The following RERG variants were observed in gnomAD, a reference collection of about 807,000 sequenced individuals.
RERG encodes RAS like estrogen regulated growth inhibitor.
RERG carries 25 observed loss-of-function variants against 23.2 expected under a neutral mutation model. That is an observed-to-expected ratio of 1.08 (90% CI 0.79 to 1.50). The LOEUF is 1.50. RERG is among the 40% of genes most tolerant of loss of function. RERG has a pLI of 0.00. For missense variants in RERG, 253 were observed against 250.1 expected, an observed-to-expected ratio of 1.01 and a Z score of -0.08; for synonymous variants, 81 against 89.1, an observed-to-expected ratio of 0.91 and a Z score of 0.51.
intron 3 of RERG, among the ~76,000 whole-genome samples, chr12:15,116,464 A>C (rs183571633): frequency 2.5e-4 from 38 of 152,340 alleles, no homozygotes; most frequent in African/African-American, 9.1e-4. Flanking sequence ...ATGGAATATA[A>C]TAAAAATTAT....
chr12:15,218,012 T>C (rs1025003409), intron 1 of RERG: 1 of 152,902 alleles, frequency 6.5e-6, no homozygotes, highest in African/African-American at 2.4e-5. Context: ...TCATGTCTCT[T>C]TGGGTTGAAT....
intron 2 of RERG, among the ~76,000 whole-genome samples, chr12:15,181,135 A>G (rs1357108803): frequency 6.6e-6 from 1 of 152,166 alleles, no homozygotes; most frequent in Non-Finnish European, 1.5e-5. Flanking sequence ...TAAGCACAGC[A>G]CATAACATTG....
intron 2 of RERG, among the ~76,000 whole-genome samples, chr12:15,216,052 A>C (rs1865437072): frequency 6.6e-6 from 1 of 152,170 alleles, no homozygotes; most frequent in South Asian, 2.1e-4. Flanking sequence ...TAGACCCTGC[A>C]CTCACAAGGA....
intron 2 of RERG, among the ~76,000 whole-genome samples, chr12:15,200,681 A>G (rs1187733646): frequency 6.6e-6 from 1 of 151,960 alleles, no homozygotes; most frequent in African/African-American, 2.4e-5. Flanking sequence ...ACACCCTCCT[A>G]TTGTGATGAA....
chr12:15,187,648 T>C (rs547366173), intron 2 of RERG, among the ~76,000 whole-genome samples: 1 of 152,098 alleles, frequency 6.6e-6, no homozygotes, highest in East Asian at 1.9e-4. Context: ...AACATTTTCC[T>C]GCCTTATTCA....
chr12:15,137,535 G>A (rs1324598174), intron 2 of RERG, among the ~76,000 whole-genome samples: 1 of 149,510 alleles, frequency 6.7e-6, no homozygotes, highest in East Asian at 1.9e-4. Context: ...TTATTATATC[G>A]ATTTTACTTC....
intron 2 of RERG, among the ~76,000 whole-genome samples, chr12:15,211,204 C>T (rs1166821622): frequency 6.6e-6 from 1 of 151,690 alleles, no homozygotes; most frequent in East Asian, 1.9e-4. Context: ...ATGTTCACTG[C>T]AGAATTTTTC....
chr12:15,123,628 A>G (rs12427393), intron 2 of RERG, among the ~76,000 whole-genome samples: 32,845 of 123,866 alleles, frequency 0.27, 3,710 homozygotes, highest in Admixed American at 0.36. Flanking sequence ...AATAAATATT[A>G]AAACTTATTA....
intron 2 of RERG, among the ~76,000 whole-genome samples, chr12:15,184,847 T>G (rs1168706409): frequency 6.6e-6 from 1 of 152,144 alleles, no homozygotes; most frequent in Non-Finnish European, 1.5e-5. Flanking sequence ...ATAGATTGCA[T>G]AACTTGAAAC....
At chr12:15,176,600 C>T (rs906537425) in intron 2 of RERG, among the ~76,000 whole-genome samples, 1 of 152,102 alleles carries the variant, frequency 6.6e-6, no homozygotes, top group Non-Finnish European at 1.5e-5. Context: ...TTCAAATCAA[C>T]TTGAAGCAAG....
chr12:15,110,463 CTTTTTTTTTTTTTTTTTTTTTTTT>C (rs869218147), intron 4 of RERG, among the ~76,000 whole-genome samples: 1 of 73,082 alleles, frequency 1.4e-5, no homozygotes, highest in Admixed American at 1.8e-4. Flanking sequence ...CCATTTTTTT[CTTTTTTTTTTTTTTTTTTTTTTTT>C]TTTTTTACTG....
At chr12:15,187,897 C>T (rs943025831) in intron 2 of RERG, among the ~76,000 whole-genome samples, 1 of 151,944 alleles carries the variant, frequency 6.6e-6, no homozygotes, top group African/African-American at 2.4e-5. Flanking sequence ...GAATTACAGA[C>T]TTTATTATAA....
chr12:15,131,853 G>T (rs1335469824), intron 2 of RERG, among the ~76,000 whole-genome samples: 1 of 152,020 alleles, frequency 6.6e-6, no homozygotes, highest in Non-Finnish European at 1.5e-5. Context: ...CTAACAGTAG[G>T]GTGTCTCCAT....
chr12:15,191,403 G>C (rs921820213), intron 2 of RERG, among the ~76,000 whole-genome samples: 16 of 152,086 alleles, frequency 1.1e-4, no homozygotes, highest in African/African-American at 3.9e-4. Flanking sequence ...ACTCACTATA[G>C]TGTCAGGGCC....
At chr12:15,134,545 G>A (rs1565514068) in intron 2 of RERG, among the ~76,000 whole-genome samples, 1 of 152,018 alleles carries the variant, frequency 6.6e-6, no homozygotes, top group Non-Finnish European at 1.5e-5. Flanking sequence ...TCCTCTGAAT[G>A]TCCTTCTCAC....
At chr12:15,195,659 T>A (rs149925969) in intron 2 of RERG, among the ~76,000 whole-genome samples, 24 of 151,832 alleles carry the variant, frequency 1.6e-4, no homozygotes, top group African/African-American at 5.8e-4. Flanking sequence ...TCAGCATCTA[T>A]TCGTCTCAAA....
At chr12:15,143,300 CATATA>C (rs1170854466) in intron 2 of RERG, among the ~76,000 whole-genome samples, 1 of 151,126 alleles carries the variant, frequency 6.6e-6, no homozygotes, top group Non-Finnish European at 1.5e-5. Context: ...CATATATGTA[CATATA>C]ATATACACAC....
chr12:15,109,073 G>C lies in RERG; in HGVS notation c.*37C>G, dbSNP rs776682951. ...TTGAAAGGGGAACAGAAGGGGAAGAGTGTTTCCAATTAGTTGGTCCACCTC... is the reference window on the plus strand; with the variant it reads ...TTGAAAGGGGAACAGAAGGGGAAGACTGTTTCCAATTAGTTGGTCCACCTC... On this transcript the variant is annotated 3_prime_UTR_variant, in exon 5 of 5. Transcript: ENST00000256953. 2 of 1,500,784 alleles carry C rather than the reference G, an allele frequency of 1.3e-6. No homozygotes were observed. 93.0% of individuals were successfully genotyped at this position (1,500,784 alleles called of 1,614,324 possible).
At chr12:15,149,806 T>C (rs1053761073) in intron 2 of RERG, among the ~76,000 whole-genome samples, 2 of 152,196 alleles carry the variant, frequency 1.3e-5, no homozygotes, top group East Asian at 3.9e-4. Context: ...AATAAAATAC[T>C]TTAAAGAAAA....
Sources: gnomAD v4.1 joint callset for allele counts (sites outside exome capture counted in the v4.1 genomes callset) on GRCh38, gnomAD v4.1.1 for gene constraint, MANE v1.5 for transcripts, NCBI Gene and HGNC (gene_info 2026-07-23, HGNC 2026-07-21) for gene names.